The following DPP6 variants were observed in gnomAD, a reference collection of about 807,000 sequenced individuals.
The protein encoded by DPP6 is A-type potassium channel modulatory protein DPP6.
In DPP6, 69 loss-of-function variants were observed where a neutral mutation model predicts 122.6. The ratio of observed to expected loss-of-function variants is 0.56; its 90% CI spans 0.46 to 0.69. The LOEUF is 0.69. Ranked by LOEUF, DPP6 falls within the 30% of genes least tolerant of loss-of-function variation. The pLI is 0.00. For missense variants in DPP6, 928 were observed against 1,116.9 expected, an observed-to-expected ratio of 0.83 and a Z score of 2.41; for synonymous variants, 418 against 433.1, an observed-to-expected ratio of 0.97 and a Z score of 0.43.
intron 1 of DPP6, among the ~76,000 whole-genome samples, chr7:154,025,514 G>A (rs962916729): frequency 9.1e-6 from 1 of 110,158 alleles, no homozygotes; most frequent in Non-Finnish European, 1.8e-5. Flanking sequence ...CCCTAGTGTA[G>A]CACAGTTATG....
intron 16 of DPP6, among the ~76,000 whole-genome samples, chr7:154,852,913 G>A (rs1802525457): frequency 6.6e-6 from 1 of 152,118 alleles, no homozygotes; most frequent in Admixed American, 6.5e-5. Flanking sequence ...GGCCATGGCA[G>A]TGTCTAGGGG....
chr7:154,496,505 A>G (rs1183035616), intron 3 of DPP6, among the ~76,000 whole-genome samples: 1 of 152,218 alleles, frequency 6.6e-6, no homozygotes, highest in Non-Finnish European at 1.5e-5. Context: ...TTACTCCTCA[A>G]TGGCAAATGT....
At position 154,052,459 on chromosome 7, in the gene DPP6, A is replaced by C; in HGVS notation, c.-362A>C. Reference sequence around the variant, plus strand: ...GGGGCCTAGGCATTTCCCTCGCTTTATGTTTTTGGTTTTTTTTCTTCCTTC... The same window carrying C: ...GGGGCCTAGGCATTTCCCTCGCTTTCTGTTTTTGGTTTTTTTTCTTCCTTC... On this transcript the variant is annotated 5_prime_UTR_variant, in exon 1 of 26. An upstream start codon of the reference 5' UTR is lost. Transcript: ENST00000377770. The surrounding 1 kb of genome is among the most constrained non-coding windows in gnomAD (Gnocchi z 4.8). 4.0e-6 allele frequency: 1 copy of C among 251,666 alleles called. No homozygotes were observed. Among genetic ancestry groups the C allele is most frequent in the Middle Eastern group, 1.9e-3 (1 of 520 alleles). The allele number at this position is 251,666 out of a possible 1,614,324, so 15.6% of individuals were successfully genotyped here.
intron 1 of DPP6, among the ~76,000 whole-genome samples, chr7:154,087,819 A>C (rs55996306): frequency 0.34 from 51,006 of 152,108 alleles, 10,456 homozygotes; most frequent in East Asian, 0.5. Flanking sequence ...GCATTTGGGG[A>C]TTATTAAATA....
chr7:154,033,617 C>G (rs983557843), intron 1 of DPP6, among the ~76,000 whole-genome samples: 14 of 152,224 alleles, frequency 9.2e-5, no homozygotes, highest in Non-Finnish European at 1.5e-5. Context: ...TATCTAGAGT[C>G]CCTTCGTCTC....
intron 1 of DPP6, among the ~76,000 whole-genome samples, chr7:154,159,997 C>A (rs1468604814): frequency 6.6e-6 from 1 of 152,234 alleles, no homozygotes; most frequent in Non-Finnish European, 1.5e-5. Flanking sequence ...TAGTACCCCC[C>A]TACTTGGGAG....
intron 1 of DPP6, among the ~76,000 whole-genome samples, chr7:154,061,218 C>T (rs1361125239): frequency 6.7e-6 from 1 of 149,326 alleles, no homozygotes; most frequent in African/African-American, 2.4e-5. Flanking sequence ...TGTATGAGGT[C>T]ACAAAGGGGG....
At chr7:154,791,126 T>C (rs1243662581) in intron 10 of DPP6, among the ~76,000 whole-genome samples, 1 of 151,800 alleles carries the variant, frequency 6.6e-6, no homozygotes, top group African/African-American at 2.4e-5. Flanking sequence ...GTGGCAGACA[T>C]CTGTAATCCC....
intron 7 of DPP6, among the ~76,000 whole-genome samples, chr7:154,701,228 G>A (rs1443895146): frequency 6.6e-6 from 1 of 152,118 alleles, no homozygotes; most frequent in African/African-American, 2.4e-5. Context: ...CGCTTTGCAC[G>A]CTCACCACAG....
chr7:154,741,361 CAGG>C (rs1842813748), intron 8 of DPP6, among the ~76,000 whole-genome samples: 1 of 152,234 alleles, frequency 6.6e-6, no homozygotes, highest in Non-Finnish European at 1.5e-5. Flanking sequence ...GCTGGCCACT[CAGG>C]CCTACGATTA....
At chr7:154,888,906 T>A (rs763293264) in intron 23 of DPP6, among the ~76,000 whole-genome samples, 19 of 152,198 alleles carry the variant, frequency 1.2e-4, no homozygotes, top group Non-Finnish European at 1.8e-4. Context: ...AGAGAAAGCA[T>A]GTGCAGGGAA....
chr7:154,431,274 C>A (rs2151254556), intron 1 of DPP6, among the ~76,000 whole-genome samples: 1 of 152,170 alleles, frequency 6.6e-6, no homozygotes, highest in Admixed American at 6.5e-5. Context: ...CTCAGGGCTG[C>A]TCCAGCAAGC....
chr7:153,829,672 A>G, the DPP6 span, among the ~76,000 whole-genome samples: 4,261 of 152,292 alleles, frequency 0.028, 199 homozygotes, highest in African/African-American at 0.097. Flanking sequence ...CTGTGAGGAA[A>G]GGAATGCCAC....
intron 1 of DPP6, chr7:154,305,335 T>TGGGGGCCCC: frequency 9.8e-7 from 1 of 1,024,754 alleles, no homozygotes; most frequent in Non-Finnish European, 1.2e-6. Context: ...TCGTCTTGTC[T>TGGGGGCCCC]ACCCACCCTC....
chr7:154,484,210 T>C (rs1347773407), intron 3 of DPP6, among the ~76,000 whole-genome samples: 1 of 152,188 alleles, frequency 6.6e-6, no homozygotes, highest in Non-Finnish European at 1.5e-5. Context: ...TGAAAGACGC[T>C]TACATGCAGA....
At chr7:154,647,449 G>A (rs560578352) in intron 6 of DPP6, among the ~76,000 whole-genome samples, 24 of 146,290 alleles carry the variant, frequency 1.6e-4, no homozygotes, top group Middle Eastern at 4.7e-3. Context: ...CCATGTTCTT[G>A]GGGATTTACT....
At chr7:154,305,621 TGAGAGA>T (rs777742972) in intron 1 of DPP6, 1 of 1,538,274 alleles carries the variant, frequency 6.5e-7, no homozygotes, top group African/African-American at 1.4e-5. Flanking sequence ...TGTGTGTGCA[TGAGAGA>T]GACAGAGACA....
At chr7:153,810,671 C>CCT in the DPP6 span, among the ~76,000 whole-genome samples, 11,235 of 124,322 alleles carry the variant, frequency 0.09, 516 homozygotes, top group African/African-American at 0.11. Flanking sequence ...CTCTCTCTCT[C>CCT]CTCTCTCTCT....
At chr7:154,636,194 C>T (rs996123482) in intron 5 of DPP6, among the ~76,000 whole-genome samples, 3 of 152,172 alleles carry the variant, frequency 2.0e-5, no homozygotes, top group Non-Finnish European at 4.4e-5. Flanking sequence ...TTCAGAAACT[C>T]TATATAATAT....
Sources: allele counts gnomAD v4.1 joint callset (sites outside exome capture counted in the v4.1 genomes callset), GRCh38; gene constraint gnomAD v4.1.1; non-coding constraint Gnocchi (gnomAD v3.1); transcripts MANE v1.5; gene names NCBI Gene and HGNC (gene_info 2026-07-23, HGNC 2026-07-21).